Variants in MARK2 observed in about 807,000 individuals in gnomAD.
MARK2 encodes serine/threonine-protein kinase MARK2.
A neutral mutation model predicts 89.8 loss-of-function variants in MARK2; 16 were observed. That is an observed-to-expected ratio of 0.18 (90% CI 0.12 to 0.27). The LOEUF (loss-of-function observed/expected upper bound fraction) is 0.27. MARK2 is among the 10% of genes least tolerant of loss of function. The pLI is 1.00. For synonymous variants in MARK2, 382 were observed against 399.5 expected (o/e 0.96, Z 0.52); for missense variants, 621 against 1,049.9 (o/e 0.59, Z 5.65).
rs535029183 is a variant in MARK2, at chr11:63,905,137, ACT to A, written c.1934+97_1934+98del. ...GGGGTTGGGGGTTGGGGTTTGGGAC[ACT>A]CTGTACCGGTATTGGGTCCTGGGGT... On this transcript the variant is annotated intron_variant, in intron 16 of 18. Coordinates refer to ENST00000402010, the MANE Select transcript of MARK2 (RefSeq NM_001039469.3). 1.9e-5 allele frequency: 27 copies of A among 1,391,828 alleles called. 1 individual carries two copies. In the South Asian group the frequency reaches 3.2e-4, roughly 17 times the overall value. The allele number at this position is 1,391,828 out of a possible 1,614,324, so 86.2% of individuals were successfully genotyped here.
chr11:63,879,077 G>A (rs892414300), intron 1 of MARK2, among the ~76,000 whole-genome samples: 5 of 152,132 alleles, frequency 3.3e-5, no homozygotes, highest in African/African-American at 1.2e-4. Context: ...GGCCGAGGCA[G>A]GCAGATCACT....
chr11:63,843,967 C>T (rs959765861), intron 1 of MARK2, among the ~76,000 whole-genome samples: 22 of 152,050 alleles, frequency 1.4e-4, no homozygotes, highest in Admixed American at 1.0e-3. Context: ...AGCAGTGTGC[C>T]CTGGTGCTAA....
At chr11:63,851,636 G>T (rs979902996) in intron 1 of MARK2, among the ~76,000 whole-genome samples, 4 of 151,954 alleles carry the variant, frequency 2.6e-5, no homozygotes, top group African/African-American at 9.7e-5. Context: ...CCTGTTTATG[G>T]CATGGCTCAG....
chr11:63,877,922 G>A (rs1345428516), intron 1 of MARK2, among the ~76,000 whole-genome samples: 1 of 152,190 alleles, frequency 6.6e-6, no homozygotes, highest in Admixed American at 6.5e-5. Flanking sequence ...GCTTTCCACT[G>A]TTCACCTAAC....
At chr11:63,861,155 GT>G (rs2135239342) in intron 1 of MARK2, among the ~76,000 whole-genome samples, 1 of 152,274 alleles carries the variant, frequency 6.6e-6, no homozygotes, top group East Asian at 1.9e-4. Flanking sequence ...TTAATTTCGG[GT>G]TGGGTGCAGT....
intron 6 of MARK2, 35 bp from the exon 7 acceptor site, chr11:63,899,017 G>T: frequency 6.6e-7 from 1 of 1,526,238 alleles, no homozygotes; most frequent in Non-Finnish European, 9.1e-7. Flanking sequence ...CCACCCTCAG[G>T]CACCCCTGGG....
At chr11:63,843,981 TCA>T (rs1191283584) in intron 1 of MARK2, among the ~76,000 whole-genome samples, 5 of 152,174 alleles carry the variant, frequency 3.3e-5, no homozygotes, top group African/African-American at 4.8e-5. Flanking sequence ...GTGCTAATTC[TCA>T]CTCTGTCCTT....
At position 63,909,276 on chromosome 11, in the gene MARK2, T is replaced by G; in HGVS notation, c.*39T>G. 6.6e-7 allele frequency: 1 copy of G among 1,522,448 alleles called. No individual in the cohort carries two copies. The allele number at this position is 1,522,448 out of a possible 1,614,324, so 94.3% of individuals were successfully genotyped here. ...GCGGGGGCGGCGGGGGCGGGCCAGCTGGACGGGCTGCCGGCCGCTGCGCCG... is the reference window on the plus strand; with the variant it reads ...GCGGGGGCGGCGGGGGCGGGCCAGCGGGACGGGCTGCCGGCCGCTGCGCCG... On this transcript the variant is annotated 3_prime_UTR_variant, in exon 19 of 19. Coordinates refer to ENST00000402010, the MANE Select transcript of MARK2 (RefSeq NM_001039469.3).
At chr11:63,898,424 C>G in intron 4 of MARK2, 144 bp downstream of exon 4, 1 of 965,638 alleles carries the variant, frequency 1.0e-6, no homozygotes, top group Non-Finnish European at 1.6e-6. Flanking sequence ...CAAAATCCAT[C>G]TCCCCTTCTG....
intron 1 of MARK2, among the ~76,000 whole-genome samples, chr11:63,843,661 G>T (rs2016132309): frequency 6.6e-6 from 1 of 150,562 alleles, no homozygotes; most frequent in African/African-American, 2.5e-5. Flanking sequence ...GTCTTGCTCT[G>T]TCGCCCAGGC....
chr11:63,884,156 G>C (rs1196739049), intron 1 of MARK2, among the ~76,000 whole-genome samples: 1 of 152,164 alleles, frequency 6.6e-6, no homozygotes, highest in African/African-American at 2.4e-5. Flanking sequence ...GTTTGCTAGG[G>C]CAACAGTAGC....
At chr11:63,883,894 C>T (rs1400766136) in intron 1 of MARK2, among the ~76,000 whole-genome samples, 1 of 152,182 alleles carries the variant, frequency 6.6e-6, no homozygotes, top group African/African-American at 2.4e-5. Context: ...GCCAGATTTT[C>T]TCATTTAATC....
intron 1 of MARK2, among the ~76,000 whole-genome samples, chr11:63,857,753 CAA>C (rs1330578408): frequency 1.5e-4 from 23 of 152,050 alleles, no homozygotes; most frequent in Admixed American, 1.0e-3. Flanking sequence ...TTTCAAAATG[CAA>C]AGAGTCCTGA....
At chr11:63,885,867 A>G (rs1327624763) in intron 1 of MARK2, among the ~76,000 whole-genome samples, 1 of 143,780 alleles carries the variant, frequency 7.0e-6, no homozygotes, top group Non-Finnish European at 1.5e-5. Context: ...AGTGGCTCAG[A>G]CCTGTAATCC....
chr11:63,865,423 C>CT (rs890262845), intron 1 of MARK2, among the ~76,000 whole-genome samples: 1 of 152,174 alleles, frequency 6.6e-6, no homozygotes, highest in Non-Finnish European at 1.5e-5. Flanking sequence ...GGTCCATGTA[C>CT]TTTTTTTGAG....
intron 1 of MARK2, among the ~76,000 whole-genome samples, chr11:63,866,612 G>A (rs1938144836): frequency 6.6e-6 from 1 of 152,118 alleles, no homozygotes; most frequent in African/African-American, 2.4e-5. Context: ...ATTCCTCTTG[G>A]TACATCATTT....
At chr11:63,879,596 G>A (rs1182462415) in intron 1 of MARK2, among the ~76,000 whole-genome samples, 1 of 151,710 alleles carries the variant, frequency 6.6e-6, no homozygotes, top group Non-Finnish European at 1.5e-5. Context: ...ATCTGCTACA[G>A]GAGAAAGATA....
intron 1 of MARK2, among the ~76,000 whole-genome samples, chr11:63,876,685 G>A (rs1477814407): frequency 6.7e-6 from 1 of 149,112 alleles, no homozygotes; most frequent in Non-Finnish European, 1.5e-5. Context: ...GATTTGTTGG[G>A]TAGGAGCTGT....
intron 1 of MARK2, among the ~76,000 whole-genome samples, chr11:63,839,877 TCCTC>T (rs1300741014): frequency 8.6e-4 from 131 of 152,156 alleles, no homozygotes; most frequent in African/African-American, 3.1e-3. Flanking sequence ...TTTCTGGTCT[TCCTC>T]CACCCACGCT....
Sources: gnomAD v4.1 joint callset for allele counts (sites outside exome capture counted in the v4.1 genomes callset) on GRCh38, gnomAD v4.1.1 for gene constraint, MANE v1.5 for transcripts, NCBI Gene and HGNC (gene_info 2026-07-23, HGNC 2026-07-21) for gene names.